Variants in ARHGAP22 observed in about 807,000 individuals in gnomAD.
The protein encoded by ARHGAP22 is Rho GTPase activating protein 22.
Under a neutral mutation model 59.1 loss-of-function variants are expected in ARHGAP22, and 48 were observed. The observed-to-expected ratio is 0.81, with a 90% CI of 0.64 to 1.03. The LOEUF (loss-of-function observed/expected upper bound fraction) is 1.03. Among genes scored for constraint, ARHGAP22 ranks in the 50% least tolerant of loss-of-function variants. ARHGAP22 has a pLI of 0.00. For missense variants in ARHGAP22, 1,015 were observed against 958.7 expected (o/e 1.06, Z -0.78); for synonymous variants, 445 against 416.4 (o/e 1.07, Z -0.84).
rs530524718 is a variant in ARHGAP22 at position 48,459,638 on chromosome 10, G to A, written c.659+46C>T. The A allele has an allele frequency of 1.9e-6, 3 of 1,601,940 alleles. No homozygotes were observed. In the South Asian group the frequency reaches 3.3e-5, roughly 18 times the overall value. On this transcript the variant is annotated intron_variant, in intron 5 of 9. Coordinates refer to ENST00000249601, the MANE Select transcript of ARHGAP22 (RefSeq NM_021226.4). ...GTGTCCTGGGCAGGAGCCCCTGCAG[G>A]AGGAATGGACAAATGGCTCCACCTT...
intron 2 of ARHGAP22, among the ~76,000 whole-genome samples, chr10:48,558,183 T>C (rs763156573): frequency 6.6e-6 from 1 of 152,206 alleles, no homozygotes; most frequent in South Asian, 2.1e-4. Flanking sequence ...CCATAGTGTT[T>C]GCACCACATG....
chr10:48,551,752 G>C (rs2056910710), intron 3 of ARHGAP22, among the ~76,000 whole-genome samples: 1 of 152,224 alleles, frequency 6.6e-6, no homozygotes, highest in African/African-American at 2.4e-5. Flanking sequence ...TCTGTGTCTT[G>C]CTCAGTGGCT....
At chr10:48,559,892 C>T (rs1156493722) in intron 2 of ARHGAP22, among the ~76,000 whole-genome samples, 1 of 152,156 alleles carries the variant, frequency 6.6e-6, no homozygotes, top group East Asian at 1.9e-4. Flanking sequence ...ATCAGATTTA[C>T]ATTGCAAGTT....
intron 1 of ARHGAP22, among the ~76,000 whole-genome samples, chr10:48,629,526 T>A (rs1001431437): frequency 6.6e-6 from 1 of 152,222 alleles, no homozygotes; most frequent in African/African-American, 2.4e-5. Context: ...GTTAGCTACA[T>A]TTGTGTGGGT....
chr10:48,528,878 C>A (rs1361973137), intron 3 of ARHGAP22, among the ~76,000 whole-genome samples: 2 of 152,224 alleles, frequency 1.3e-5, no homozygotes, highest in East Asian at 3.9e-4. Context: ...TGCCTTCTGC[C>A]ATGATTGTAA....
intron 3 of ARHGAP22, among the ~76,000 whole-genome samples, chr10:48,527,319 G>A (rs1589957489): frequency 2.0e-5 from 3 of 152,220 alleles, no homozygotes; most frequent in African/African-American, 7.2e-5. Flanking sequence ...ATGGATGGGT[G>A]GATGGTTGGT....
intron 2 of ARHGAP22, among the ~76,000 whole-genome samples, chr10:48,562,989 T>C (rs1195458875): frequency 6.6e-6 from 1 of 152,168 alleles, no homozygotes; most frequent in Non-Finnish European, 1.5e-5. Context: ...CTGGCACGAC[T>C]GTTCCTTCTG....
intron 6 of ARHGAP22, 72 bp from the exon 7 acceptor site, chr10:48,454,233 G>T: frequency 1.4e-6 from 2 of 1,386,460 alleles, no homozygotes; most frequent in South Asian, 1.2e-5. Flanking sequence ...GCGAGGAGGG[G>T]TGGGCAAAGA....
At chr10:48,500,685 C>T (rs778275121) in intron 3 of ARHGAP22, among the ~76,000 whole-genome samples, 4 of 151,986 alleles carry the variant, frequency 2.6e-5, no homozygotes, top group African/African-American at 9.7e-5. Flanking sequence ...GCCAGGAGTT[C>T]GAGACCAGCC....
intron 4 of ARHGAP22, among the ~76,000 whole-genome samples, chr10:48,463,563 T>C (rs1208803848): frequency 6.6e-6 from 1 of 152,146 alleles, no homozygotes; most frequent in East Asian, 1.9e-4. Context: ...CATGAATCCG[T>C]CTGCCTTCAT....
In ARHGAP22 at chr10:48,459,784, C is replaced by G; in HGVS notation, c.559G>C (p.Gly187Arg). ...CGGAACAGCCCCTCCTCAGTGAGCC[C>G]GCGCTCCCGGATGAAGTCCACACAC... Reference protein sequence around the residue: ...EQCVDFIRERGLTEEGLFRMP... With the variant: ...EQCVDFIRERRLTEEGLFRMP... The change falls in exon 5 of 10, where the codon GGG (glycine) becomes CGG (arginine). Residue 187 changes from glycine to arginine, a missense_variant. Physicochemically the swap from Gly to Arg is moderately radical, Grantham distance 125. Transcript: ENST00000249601. 6.2e-7 allele frequency: 1 copy of G among 1,613,904 alleles called. No individual in the cohort carries two copies. Among genetic ancestry groups the G allele is most frequent in the Non-Finnish European group, 8.5e-7 (1 of 1,180,016 alleles).
intron 1 of ARHGAP22, among the ~76,000 whole-genome samples, chr10:48,643,290 G>A (rs1048807567): frequency 1.3e-5 from 2 of 151,904 alleles, no homozygotes; most frequent in African/African-American, 2.4e-5. Flanking sequence ...ACATGCACAC[G>A]CCGCAATAAA....
chr10:48,563,320 AGTAGCTG>A (rs2135412020), intron 2 of ARHGAP22, among the ~76,000 whole-genome samples: 1 of 149,166 alleles, frequency 6.7e-6, no homozygotes, highest in East Asian at 2.0e-4. Flanking sequence ...CAGCCTCCCC[AGTAGCTG>A]GGACTACAGG....
At chr10:48,594,530 A>T (rs1465264044) in intron 1 of ARHGAP22, among the ~76,000 whole-genome samples, 2 of 152,142 alleles carry the variant, frequency 1.3e-5, no homozygotes, top group Non-Finnish European at 2.9e-5. Flanking sequence ...AATTCTCTTG[A>T]ATCCCTTTTC....
intron 2 of ARHGAP22, among the ~76,000 whole-genome samples, chr10:48,572,325 G>A (rs2058448003): frequency 6.6e-6 from 1 of 152,174 alleles, no homozygotes; most frequent in South Asian, 2.1e-4. Flanking sequence ...GTAGTTCACC[G>A]TTAGACCTTG....
chr10:48,572,352 C>T (rs2135498813), intron 2 of ARHGAP22, among the ~76,000 whole-genome samples: 1 of 152,332 alleles, frequency 6.6e-6, no homozygotes, highest in East Asian at 1.9e-4. Flanking sequence ...TGACCCCCAA[C>T]CCCTGGTCCA....
At chr10:48,594,991 T>C (rs2059981815) in intron 1 of ARHGAP22, among the ~76,000 whole-genome samples, 1 of 151,924 alleles carries the variant, frequency 6.6e-6, no homozygotes, top group South Asian at 2.1e-4. Flanking sequence ...CTGAACATAT[T>C]CATTGTTTTC....
intron 3 of ARHGAP22, among the ~76,000 whole-genome samples, chr10:48,487,468 G>A (rs1351302479): frequency 1.3e-5 from 2 of 152,142 alleles, no homozygotes; most frequent in Non-Finnish European, 2.9e-5. Context: ...AAAGTGGAGG[G>A]GAAGACAGAA....
chr10:48,509,255 G>C (rs528834359), intron 3 of ARHGAP22, among the ~76,000 whole-genome samples: 1 of 152,094 alleles, frequency 6.6e-6, no homozygotes, highest in Non-Finnish European at 1.5e-5. Flanking sequence ...CCTGGCCAGC[G>C]TGGGGGACCA....
Sources: allele counts gnomAD v4.1 joint callset (sites outside exome capture counted in the v4.1 genomes callset), GRCh38; gene constraint gnomAD v4.1.1; transcripts MANE v1.5; gene names NCBI Gene and HGNC (gene_info 2026-07-23, HGNC 2026-07-21).